PAQR5: variants seen among roughly 807,000 people sequenced by gnomAD.
PAQR5 encodes the protein progestin and adipoQ receptor family member 5.
Under a neutral mutation model 34.5 loss-of-function variants are expected in PAQR5, and 20 were observed. The observed-to-expected ratio is 0.58, with a 90% CI of 0.41 to 0.84. The LOEUF is 0.84. Ranked by LOEUF, PAQR5 falls within the 40% of genes least tolerant of loss-of-function variation. The probability of loss-of-function intolerance (pLI) is 0.00; values close to 1 mark genes in which losing one functional copy is unlikely to be tolerated. For synonymous variants in PAQR5, 131 were observed against 155.6 expected (o/e 0.84, Z 1.18); for missense variants, 378 against 412.7 (o/e 0.92, Z 0.73).
rs2055927635 is a variant in PAQR5 at position 69,382,692 on chromosome 15, ATATATATATATATG to A, written c.180-1981_180-1968del. On this transcript the variant is annotated intron_variant, in intron 4 of 8. Transcript: ENST00000395407. ...TATATATATATATATATATATATAT[ATATATATATATATG>A]TATGTATGTATATATGTATGTATAT... Among the ~76,000 whole-genome samples, 11 of 85,968 alleles carry A rather than the reference ATATATATATATATG, an allele frequency of 1.3e-4. 1 individual carries two copies. The highest frequency in any genetic ancestry group is 9.0e-4 in the South Asian group (2 of 2,212). 56.4% of individuals were successfully genotyped at this position (85,968 alleles called of 152,430 possible). A position where few individuals can be genotyped will look rare whatever the true frequency, so the allele number is the denominator to read the frequency against.
intron 2 of PAQR5, among the ~76,000 whole-genome samples, chr15:69,345,820 G>A (rs976480535): frequency 6.6e-6 from 1 of 152,144 alleles, no homozygotes; most frequent in African/African-American, 2.4e-5. Flanking sequence ...GTAGTCCCAG[G>A]TACTTGGGAA....
chr15:69,329,463 CTTTTTTTTTTTTTTT>C (rs1038357937), intron 1 of PAQR5, among the ~76,000 whole-genome samples: 3 of 73,760 alleles, frequency 4.1e-5, no homozygotes, highest in East Asian at 5.4e-4. Context: ...TTTTTTCTTT[CTTTTTTTTTTTTTTT>C]TTTTTTTTTT....
intron 1 of PAQR5, among the ~76,000 whole-genome samples, chr15:69,322,748 A>C (rs61531917): frequency 0.12 from 3,240 of 26,476 alleles, 825 homozygotes; most frequent in South Asian, 0.2. Context: ...AAGAAGAAGA[A>C]GAAGAAGAAG....
intron 3 of PAQR5, among the ~76,000 whole-genome samples, chr15:69,376,374 G>T (rs2055707168): frequency 6.6e-6 from 1 of 152,192 alleles, no homozygotes; most frequent in Non-Finnish European, 1.5e-5. Context: ...TTTTATGAAG[G>T]TCTGCTCTAT....
intron 3 of PAQR5, chr15:69,379,426 A>G (rs1162113461): frequency 3.0e-6 from 3 of 985,254 alleles, no homozygotes; most frequent in East Asian, 1.1e-4. Context: ...ACCTTGGTGA[A>G]TATATCCTGG....
intron 4 of PAQR5, among the ~76,000 whole-genome samples, chr15:69,384,030 C>T (rs2056019143): frequency 1.0e-5 from 1 of 96,136 alleles, no homozygotes; most frequent in African/African-American, 4.3e-5. Context: ...GAGTGGGCCT[C>T]TGTGCTCATG....
intron 3 of PAQR5, among the ~76,000 whole-genome samples, chr15:69,378,829 G>A (rs1023657050): frequency 3.3e-5 from 5 of 152,152 alleles, no homozygotes; most frequent in Admixed American, 1.3e-4. Flanking sequence ...AACTTGGGGG[G>A]TAGGGTGCTG....
intron 2 of PAQR5, among the ~76,000 whole-genome samples, 177 bp from the exon 3 acceptor site, chr15:69,359,789 C>T (rs2055185352): frequency 6.6e-6 from 1 of 152,116 alleles, no homozygotes; most frequent in East Asian, 1.9e-4. Context: ...TACCTCCCTC[C>T]AGCACTCTTG....
At chr15:69,300,218 G>A (rs1421923064) in intron 1 of PAQR5, among the ~76,000 whole-genome samples, 2 of 152,122 alleles carry the variant, frequency 1.3e-5, no homozygotes, top group Non-Finnish European at 2.9e-5. Flanking sequence ...ACAAACTCCA[G>A]TCAGTAAGGT....
At chr15:69,331,814 T>A (rs1265946082) in intron 1 of PAQR5, among the ~76,000 whole-genome samples, 2 of 152,250 alleles carry the variant, frequency 1.3e-5, no homozygotes, top group African/African-American at 2.4e-5. Context: ...TATATTTTGC[T>A]GGGATGGAAA....
chr15:69,322,784 A>G lies in PAQR5; in HGVS notation c.-276-14557A>G, dbSNP rs1248413768. Among the ~76,000 whole-genome samples the G allele has an allele frequency of 5.3e-3, 497 of 93,268 alleles. 120 individuals are homozygous for G. The highest frequency in any genetic ancestry group is 0.027 in the East Asian group (75 of 2,784). The allele number at this position is 93,268 out of a possible 152,430, so 61.2% of individuals were successfully genotyped here. Reference sequence around the variant, plus strand: ...AAGAAGAAGAAGAGGGAGAAGAAGAAGACGAGGAAGAAGAAGAAGAGGAAG... The same window carrying G: ...AAGAAGAAGAAGAGGGAGAAGAAGAGGACGAGGAAGAAGAAGAAGAGGAAG... On this transcript the variant is annotated intron_variant, in intron 1 of 8. Coordinates refer to ENST00000395407, the MANE Select transcript of PAQR5 (RefSeq NM_017705.4).
rs534776272 is a variant in PAQR5, at chr15:69,342,069, A to G, written c.-116+4568A>G. ...TTTTCCATAGCTATTGCACCACTTT[A>G]CAGTCCCACCAGAAATGCATTAGTT... On this transcript the variant is annotated intron_variant, in intron 2 of 8. Transcript: ENST00000395407. Among the ~76,000 whole-genome samples, 5 of 152,166 alleles carry G rather than the reference A, an allele frequency of 3.3e-5. No homozygotes were observed. In the South Asian group the frequency reaches 1.0e-3, roughly 32 times the overall value.
intron 6 of PAQR5, among the ~76,000 whole-genome samples, chr15:69,393,974 G>A (rs1449539983): frequency 6.6e-6 from 1 of 152,184 alleles, no homozygotes; most frequent in Non-Finnish European, 1.5e-5. Flanking sequence ...GGGGGTGGCC[G>A]AGGCCCTGGC....
chr15:69,321,928 A>G (rs1015742921), intron 1 of PAQR5, among the ~76,000 whole-genome samples: 4 of 152,206 alleles, frequency 2.6e-5, no homozygotes, highest in Non-Finnish European at 4.4e-5. Context: ...AATCTAACTG[A>G]AGTTTGCAAA....
chr15:69,326,303 A>C (rs1021034201), intron 1 of PAQR5, among the ~76,000 whole-genome samples: 1 of 152,210 alleles, frequency 6.6e-6, no homozygotes, highest in Non-Finnish European at 1.5e-5. Flanking sequence ...AAGGGTGAGT[A>C]TCCATGTGAA....
chr15:69,308,925 C>G (rs977989600), intron 1 of PAQR5, among the ~76,000 whole-genome samples: 2 of 152,062 alleles, frequency 1.3e-5, no homozygotes, highest in African/African-American at 2.4e-5. Flanking sequence ...AGGGAACACT[C>G]TAGGTTCTGA....
intron 2 of PAQR5, among the ~76,000 whole-genome samples, chr15:69,349,649 T>G (rs2140782154): frequency 6.6e-6 from 1 of 151,984 alleles, no homozygotes; most frequent in African/African-American, 2.4e-5. Context: ...TATTTTTTTT[T>G]TTATTTTTTG....
chr15:69,397,324 G>A (rs1198362629), intron 6 of PAQR5, 144 bp from the exon 7 acceptor site: 1 of 721,982 alleles, frequency 1.4e-6, no homozygotes, highest in South Asian at 1.5e-5. Flanking sequence ...CGAGGCTGGT[G>A]GAGAAGCTGC....
rs1205432160 is a variant in PAQR5 at position 69,403,883 on chromosome 15, T to C, written c.*61T>C. The stretch of plus-strand genomic sequence containing the variant: ...TTAAGCTGCAACATCCTAACCACCA[T>C]AAGCCGGAGGTGGTTACAGCTTATC... On this transcript the variant is annotated 3_prime_UTR_variant, in exon 9 of 9. Transcript: ENST00000395407. 1 of 1,571,190 alleles carries C rather than the reference T, an allele frequency of 6.4e-7. No homozygotes were observed. Among genetic ancestry groups the C allele is most frequent in the Non-Finnish European group, 8.6e-7 (1 of 1,156,442 alleles).
Sources: gnomAD v4.1 joint callset for allele counts (sites outside exome capture counted in the v4.1 genomes callset) on GRCh38, gnomAD v4.1.1 for gene constraint, MANE v1.5 for transcripts, NCBI Gene and HGNC (gene_info 2026-07-23, HGNC 2026-07-21) for gene names.